Variants in SIDT1 observed in about 807,000 individuals in gnomAD.
SIDT1 encodes SID1 transmembrane family, member 1.
SIDT1 carries 101 observed loss-of-function variants against 107.5 expected under a neutral mutation model. That is an observed-to-expected ratio of 0.94 (90% CI 0.80 to 1.11). The LOEUF is 1.11. Among genes scored for constraint, SIDT1 ranks in the 50% least tolerant of loss-of-function variants. SIDT1 has a pLI of 0.00. For missense variants in SIDT1, 1,076 were observed against 1,058.2 expected (o/e 1.02, Z -0.23); for synonymous variants, 395 against 398.2 (o/e 0.99, Z 0.10).
rs150482095 is a variant in SIDT1 at position 113,556,976 on chromosome 3, C to T, written c.223-9444C>T. On this transcript the variant is annotated intron_variant, in intron 1 of 24. Coordinates refer to ENST00000264852, the MANE Select transcript of SIDT1 (RefSeq NM_017699.3). ...CTGGGTCTACAGGTGCCCACCACCA[C>T]GCCCAGCTAATTTTTGTATTTTTAG... 7.7e-3 allele frequency among the ~76,000 whole-genome samples: 1,160 copies of T among 150,712 alleles called. 16 individuals carry two copies. Among genetic ancestry groups the T allele is most frequent in the African/African-American group, 0.027 (1,082 of 40,160 alleles).
At chr3:113,624,598 C>T (rs1946711969) in intron 23 of SIDT1, among the ~76,000 whole-genome samples, 1 of 152,160 alleles carries the variant, frequency 6.6e-6, no homozygotes, top group African/African-American at 2.4e-5. Flanking sequence ...GTAAAATATA[C>T]ATATAAAATT....
intron 10 of SIDT1, among the ~76,000 whole-genome samples, chr3:113,597,511 A>C (rs80126072): frequency 0.011 from 1,684 of 151,060 alleles, 20 homozygotes; most frequent in Middle Eastern, 0.027. Context: ...AAAAAAAAAA[A>C]AAAAAAAAAT....
At chr3:113,572,310 G>A (rs375428612) in intron 3 of SIDT1, among the ~76,000 whole-genome samples, 2 of 152,210 alleles carry the variant, frequency 1.3e-5, no homozygotes, top group African/African-American at 4.8e-5. Context: ...AGAGCTCTGA[G>A]TTACAGTTAG....
intron 9 of SIDT1, among the ~76,000 whole-genome samples, chr3:113,590,702 T>C (rs4682497): frequency 0.18 from 27,796 of 152,178 alleles, 3,508 homozygotes; most frequent in East Asian, 0.62. Context: ...AAGAAAACAA[T>C]TCCATTTACA....
At chr3:113,556,821 CTTTTTTT>C (rs61672960) in intron 1 of SIDT1, among the ~76,000 whole-genome samples, 9 of 107,638 alleles carry the variant, frequency 8.4e-5, no homozygotes, top group African/African-American at 3.1e-4. Context: ...GTTTCTTTTT[CTTTTTTT>C]TTTTTTTTTG....
intron 3 of SIDT1, among the ~76,000 whole-genome samples, chr3:113,576,224 T>A (rs571604361): frequency 1.3e-5 from 2 of 152,216 alleles, no homozygotes; most frequent in Non-Finnish European, 2.9e-5. Context: ...AATGAAAGTA[T>A]CTAATAATGT....
intron 1 of SIDT1, among the ~76,000 whole-genome samples, chr3:113,553,396 T>C (rs949639945): frequency 1.3e-5 from 2 of 152,106 alleles, no homozygotes; most frequent in African/African-American, 4.8e-5. Flanking sequence ...CTTACAATCA[T>C]AACAATAATT....
intron 10 of SIDT1, among the ~76,000 whole-genome samples, chr3:113,597,331 C>T (rs1205363302): frequency 6.6e-6 from 1 of 151,784 alleles, no homozygotes; most frequent in Non-Finnish European, 1.5e-5. Context: ...ACCCTGTCTC[C>T]ACTAAAATAC....
chr3:113,583,196 A>G (rs1943492461), intron 6 of SIDT1, among the ~76,000 whole-genome samples: 1 of 152,202 alleles, frequency 6.6e-6, no homozygotes, highest in African/African-American at 2.4e-5. Context: ...ATGTATATCT[A>G]TTTACCTTAA....
chr3:113,544,306 T>C (rs1463267094), intron 1 of SIDT1, among the ~76,000 whole-genome samples: 3 of 152,134 alleles, frequency 2.0e-5, no homozygotes, highest in African/African-American at 7.2e-5. Flanking sequence ...GTCCCCTGCC[T>C]CAGCCTCCCA....
At chr3:113,563,279 A>C (rs1330254163) in intron 1 of SIDT1, among the ~76,000 whole-genome samples, 1 of 152,230 alleles carries the variant, frequency 6.6e-6, no homozygotes, top group Non-Finnish European at 1.5e-5. Flanking sequence ...AATGAAGCAA[A>C]GACAAAATTG....
chr3:113,601,563 T>A, intron 10 of SIDT1, 25 bp from the exon 11 acceptor site: 1 of 1,560,384 alleles, frequency 6.4e-7, no homozygotes, highest in Non-Finnish European at 8.8e-7. Flanking sequence ...ACATAAAGTG[T>A]TTGCCTCTTC....
At position 113,554,638 on chromosome 3, in the gene SIDT1, T is replaced by A. The variant is rs184913261; in HGVS notation, c.223-11782T>A. Among the ~76,000 whole-genome samples, 180 of 152,294 alleles carry A rather than the reference T, an allele frequency of 1.2e-3. 1 individual carries two copies. Among genetic ancestry groups the A allele is most frequent in the African/African-American group, 4.1e-3 (172 of 41,552 alleles). On this transcript the variant is annotated intron_variant, in intron 1 of 24. Transcript: ENST00000264852. ...ACCATAAGTCCATTAAACCTCTTTT[T>A]CTTTATAAATTACCCAGTCTTGGGT...
intron 3 of SIDT1, among the ~76,000 whole-genome samples, chr3:113,572,546 T>C (rs1201911906): frequency 1.3e-5 from 2 of 152,100 alleles, no homozygotes; most frequent in Admixed American, 6.5e-5. Flanking sequence ...TTTCTAGAGA[T>C]GACATGAGTG....
chr3:113,541,139 CACAT>C (rs1938805318), intron 1 of SIDT1, among the ~76,000 whole-genome samples: 1 of 128,420 alleles, frequency 7.8e-6, no homozygotes. Flanking sequence ...TATATACACA[CACAT>C]ACACACACAC....
At chr3:113,546,954 T>C (rs769173782) in intron 1 of SIDT1, among the ~76,000 whole-genome samples, 2 of 152,210 alleles carry the variant, frequency 1.3e-5, no homozygotes, top group Non-Finnish European at 2.9e-5. Flanking sequence ...AAAGCACATC[T>C]AATGAGCTAT....
chr3:113,566,746 T>C (rs1941953093), intron 2 of SIDT1, among the ~76,000 whole-genome samples: 1 of 152,232 alleles, frequency 6.6e-6, no homozygotes, highest in Non-Finnish European at 1.5e-5. Flanking sequence ...CTACCTAGAT[T>C]GGCCACACCT....
chr3:113,579,490 A>G lies in SIDT1; in HGVS notation c.562-1118A>G, dbSNP rs929804998. Among the ~76,000 whole-genome samples, 12 of 152,128 alleles carry G rather than the reference A, an allele frequency of 7.9e-5. 1 individual carries two copies. Among genetic ancestry groups the G allele is most frequent in the African/African-American group, 2.4e-4 (10 of 41,416 alleles). On this transcript the variant is annotated intron_variant, in intron 4 of 24. Coordinates refer to ENST00000264852, the MANE Select transcript of SIDT1 (RefSeq NM_017699.3). ...CCCTGTATTATATGTATTTGAGTCA[A>G]GCTCCAAAATTAAGTGGGTTCTTGG...
chr3:113,565,001 G>A (rs1316495346), intron 1 of SIDT1, among the ~76,000 whole-genome samples: 1 of 152,214 alleles, frequency 6.6e-6, no homozygotes, highest in Non-Finnish European at 1.5e-5. Flanking sequence ...TGACATCTAT[G>A]CTATTCTGTT....
Sources: gnomAD v4.1 joint callset for allele counts (sites outside exome capture counted in the v4.1 genomes callset) on GRCh38, gnomAD v4.1.1 for gene constraint, MANE v1.5 for transcripts, NCBI Gene and HGNC (gene_info 2026-07-23, HGNC 2026-07-21) for gene names.